The following PDE1C variants were observed in gnomAD, a reference collection of about 807,000 sequenced individuals.
The protein encoded by PDE1C is dual specificity calcium/calmodulin-dependent 3',5'-cyclic nucleotide phosphodiesterase 1C.
In PDE1C, 62 loss-of-function variants were observed where a neutral mutation model predicts 93.1. The ratio of observed to expected loss-of-function variants is 0.67; its 90% CI spans 0.54 to 0.82. The LOEUF (loss-of-function observed/expected upper bound fraction) is 0.82. Ranked by LOEUF, PDE1C falls within the 40% of genes least tolerant of loss-of-function variation. The pLI is 0.00. For synonymous variants in PDE1C, 325 were observed against 310.1 expected (o/e 1.05, Z -0.50); for missense variants, 742 against 884.6 (o/e 0.84, Z 2.04).
intron 1 of PDE1C, among the ~76,000 whole-genome samples, chr7:32,281,486 GA>G (rs1811624829): frequency 6.6e-6 from 1 of 152,170 alleles, no homozygotes; most frequent in South Asian, 2.1e-4. Flanking sequence ...TTGAGAGGCT[GA>G]GGCAGGAGGA....
chr7:31,851,916 C>A (rs1307021485), intron 7 of PDE1C, among the ~76,000 whole-genome samples: 1 of 152,150 alleles, frequency 6.6e-6, no homozygotes, highest in East Asian at 1.9e-4. Flanking sequence ...TCTTTAAGTT[C>A]CCACTTAACT....
At chr7:32,186,087 G>GTTT (rs10561469) in intron 2 of PDE1C, among the ~76,000 whole-genome samples, 11 of 128,566 alleles carry the variant, frequency 8.6e-5, no homozygotes, top group African/African-American at 1.2e-4. Flanking sequence ...TTGTTTTTTT[G>GTTT]TTTTTTTTTT....
At chr7:32,141,864 G>A (rs1430779371) in intron 3 of PDE1C, among the ~76,000 whole-genome samples, 2 of 152,128 alleles carry the variant, frequency 1.3e-5, no homozygotes, top group Non-Finnish European at 2.9e-5. Context: ...ACTGGGTGAG[G>A]TATATGGTGA....
the PDE1C span, among the ~76,000 whole-genome samples, chr7:31,669,797 T>A: frequency 6.6e-6 from 1 of 152,252 alleles, no homozygotes; most frequent in Non-Finnish European, 1.5e-5. Context: ...CAATGGGCAC[T>A]TTCCCCATGG....
At chr7:32,093,853 G>A (rs958374177) in intron 3 of PDE1C, among the ~76,000 whole-genome samples, 1 of 152,216 alleles carries the variant, frequency 6.6e-6, no homozygotes, top group African/African-American at 2.4e-5. Context: ...CTGGCAAGGA[G>A]AGCTCTTTAT....
At chr7:32,080,977 G>T (rs879586662) in intron 3 of PDE1C, among the ~76,000 whole-genome samples, 2 of 152,170 alleles carry the variant, frequency 1.3e-5, no homozygotes, top group Admixed American at 6.5e-5. Flanking sequence ...TATGAGCAGG[G>T]AGTGGGACTT....
At chr7:31,911,280 T>G (rs1250527935) in intron 2 of PDE1C, among the ~76,000 whole-genome samples, 2 of 152,190 alleles carry the variant, frequency 1.3e-5, no homozygotes, top group African/African-American at 4.8e-5. Context: ...GTTTTAATAT[T>G]AATATTAATA....
intron 2 of PDE1C, among the ~76,000 whole-genome samples, chr7:31,909,687 T>C (rs1255607901): frequency 6.6e-6 from 1 of 152,190 alleles, no homozygotes; most frequent in Non-Finnish European, 1.5e-5. Flanking sequence ...AAGGTATACT[T>C]TATGATTGAC....
chr7:32,248,851 T>A (rs1463845865), intron 1 of PDE1C, among the ~76,000 whole-genome samples: 1 of 152,214 alleles, frequency 6.6e-6, no homozygotes, highest in Non-Finnish European at 1.5e-5. Flanking sequence ...CTTTTGTTTT[T>A]TGCTTTGTAC....
chr7:31,645,721 C>A, the PDE1C span, among the ~76,000 whole-genome samples: 1 of 152,060 alleles, frequency 6.6e-6, no homozygotes, highest in Non-Finnish European at 1.5e-5. Context: ...GATGACATTT[C>A]GTGATGTTTG....
At chr7:32,023,198 C>T (rs1163619081) in intron 2 of PDE1C, among the ~76,000 whole-genome samples, 1 of 151,876 alleles carries the variant, frequency 6.6e-6, no homozygotes, top group Non-Finnish European at 1.5e-5. Flanking sequence ...TAGAATAAGA[C>T]GGATAGAACA....
intron 2 of PDE1C, among the ~76,000 whole-genome samples, chr7:32,194,162 C>G (rs1804443759): frequency 6.6e-6 from 1 of 152,180 alleles, no homozygotes. Context: ...GATCTGCCCG[C>G]CTCGGCCTCC....
chr7:31,741,997 G>A, the PDE1C span, among the ~76,000 whole-genome samples: 3 of 152,188 alleles, frequency 2.0e-5, no homozygotes, highest in Non-Finnish European at 4.4e-5. Context: ...GAGAGCTCCG[G>A]AGACCTAAGA....
the PDE1C span, chr7:31,643,273 G>A: frequency 1.7e-5 from 27 of 1,613,596 alleles, no homozygotes; most frequent in Non-Finnish European, 1.7e-5. Flanking sequence ...CAGCTTACTC[G>A]TACCAGAAAG....
At chr7:32,238,853 A>G (rs1289048445) in intron 1 of PDE1C, among the ~76,000 whole-genome samples, 1 of 152,220 alleles carries the variant, frequency 6.6e-6, no homozygotes, top group Non-Finnish European at 1.5e-5. Context: ...CTTTCAATTC[A>G]GGAAGAATAA....
intron 1 of PDE1C, among the ~76,000 whole-genome samples, chr7:32,224,305 G>A (rs186226941): frequency 1.1e-4 from 17 of 152,242 alleles, no homozygotes; most frequent in South Asian, 4.1e-4. Context: ...CTCAGGAGGT[G>A]GAGGTTACAG....
At chr7:31,623,216 T>G in the PDE1C span, among the ~76,000 whole-genome samples, 5 of 151,988 alleles carry the variant, frequency 3.3e-5, no homozygotes, top group African/African-American at 1.2e-4. Context: ...ACTATTCCAA[T>G]CAATAGAAAA....
chr7:31,756,140 CCA>C (rs1794451739), intron 17 of PDE1C, among the ~76,000 whole-genome samples: 1 of 152,042 alleles, frequency 6.6e-6, no homozygotes, highest in Admixed American at 6.6e-5. Context: ...CACTTGCACT[CCA>C]GTCTTGGTGA....
At chr7:31,646,574 G>A in the PDE1C span, among the ~76,000 whole-genome samples, 6 of 152,126 alleles carry the variant, frequency 3.9e-5, no homozygotes, top group African/African-American at 9.7e-5. Context: ...GTGTGGACCC[G>A]AGCTCTTCTT....
Sources: allele counts gnomAD v4.1 joint callset (sites outside exome capture counted in the v4.1 genomes callset), GRCh38; gene constraint gnomAD v4.1.1; transcripts MANE v1.5; gene names NCBI Gene and HGNC (gene_info 2026-07-23, HGNC 2026-07-21).